TEX11: variants seen among roughly 807,000 people sequenced by gnomAD.
TEX11 encodes testis expressed 11, also known as testis-expressed protein 11.
Under a neutral mutation model 84.4 loss-of-function variants are expected in TEX11, and 7 were observed. The ratio of observed to expected loss-of-function variants is 0.08; its 90% confidence interval spans 0.05 to 0.16. The LOEUF (loss-of-function observed/expected upper bound fraction) is 0.16, where lower values mean the gene tolerates loss of function less well. TEX11 is among the 10% of genes least tolerant of loss of function. TEX11 has a pLI of 1.00. For synonymous variants in TEX11, 264 were observed against 222.8 expected, an observed-to-expected ratio of 1.18 and a Z score of -1.64; for missense variants, 551 against 660.5, an observed-to-expected ratio of 0.83 and a Z score of 1.82.
chrX:70,533,784 T>C (rs1254356276), intron 28 of TEX11, among the ~76,000 whole-genome samples: 2 of 110,386 alleles, frequency 1.8e-5, no homozygotes, highest in Non-Finnish European at 3.8e-5. Flanking sequence ...TTTCAAAAGG[T>C]CATGCATACT....
At chrX:70,579,894 G>A (rs1372144472) in intron 25 of TEX11, among the ~76,000 whole-genome samples, 1 of 112,057 alleles carries the variant, frequency 8.9e-6, no homozygotes, top group Non-Finnish European at 1.9e-5. Flanking sequence ...GTACACTGCT[G>A]GTGGGAACAT....
intron 9 of TEX11, among the ~76,000 whole-genome samples, chrX:70,776,944 C>A (rs1425879922): frequency 9.0e-6 from 1 of 111,331 alleles, no homozygotes; most frequent in Non-Finnish European, 1.9e-5. Flanking sequence ...ACCCCAAATA[C>A]CCCGACTTTA....
chrX:70,904,097 G>A (rs1431011554), intron 2 of TEX11, among the ~76,000 whole-genome samples: 2 of 106,577 alleles, frequency 1.9e-5, no homozygotes, highest in Non-Finnish European at 3.8e-5. Context: ...TGCGATTACA[G>A]GCGTGAGCCA....
intron 17 of TEX11, among the ~76,000 whole-genome samples, chrX:70,637,024 C>G (rs1650290160): frequency 9.0e-6 from 1 of 111,243 alleles, no homozygotes; most frequent in Admixed American, 9.5e-5. Context: ...AGGCCTAATA[C>G]CCAGCATCTA....
intron 18 of TEX11, 69 bp downstream of exon 18, chrX:70,629,542 T>A: frequency 9.0e-7 from 1 of 1,115,479 alleles, no homozygotes; most frequent in Non-Finnish European, 1.2e-6. Flanking sequence ...TAACTGATAA[T>A]GATTCTATTA....
intron 3 of TEX11, among the ~76,000 whole-genome samples, chrX:70,875,314 G>T (rs1229058204): frequency 9.0e-6 from 1 of 111,229 alleles, no homozygotes; most frequent in Non-Finnish European, 1.9e-5. Context: ...GCACTTAATA[G>T]TGTTCTTCAT....
rs770544273 is a variant in TEX11 at position 70,774,825 on chromosome X, T to C, written c.693-30606A>G. On this transcript the variant is annotated intron_variant, in intron 9 of 29. Coordinates refer to ENST00000374333, the MANE Select transcript of TEX11 (RefSeq NM_031276.3). ...TGCAATCCCTATCAAAATACCAATG[T>C]CATTTTTCACAGAATTAGAAAAAAT... 4.5e-5 allele frequency among the ~76,000 whole-genome samples: 5 copies of C among 111,627 alleles called. No individual in the cohort carries two copies. The East Asian group carries it at 1.4e-3, about 31-fold the overall frequency.
At chrX:70,784,632 T>C (rs1180989655) in intron 9 of TEX11, among the ~76,000 whole-genome samples, 1 of 111,638 alleles carries the variant, frequency 9.0e-6, no homozygotes, top group Non-Finnish European at 1.9e-5. Context: ...TTCAGCAAAG[T>C]CTCAGGATAC....
the TEX11 span, among the ~76,000 whole-genome samples, chrX:70,517,803 G>T: frequency 9.0e-6 from 1 of 111,382 alleles, no homozygotes; most frequent in Non-Finnish European, 1.9e-5. Flanking sequence ...TTCAGAGCCT[G>T]TTATTGGTCT....
At chrX:70,569,856 G>T (rs892211575) in intron 25 of TEX11, among the ~76,000 whole-genome samples, 1 of 111,988 alleles carries the variant, frequency 8.9e-6, no homozygotes, top group African/African-American at 3.2e-5. Flanking sequence ...GGGGGTCGGT[G>T]TCAGGGACCC....
intron 8 of TEX11, among the ~76,000 whole-genome samples, chrX:70,811,819 G>T (rs1215557295): frequency 9.8e-5 from 11 of 111,676 alleles, no homozygotes; most frequent in African/African-American, 2.6e-4. Flanking sequence ...CTGCATAAAT[G>T]TCTTCTTTTG....
intron 17 of TEX11, among the ~76,000 whole-genome samples, chrX:70,648,978 G>A (rs371733779): frequency 5.4e-4 from 60 of 110,440 alleles, no homozygotes; most frequent in Non-Finnish European, 1.0e-3. Flanking sequence ...TTTGGTTTTC[G>A]GTTCCTGCAT....
At chrX:70,621,543 AAAAAAAAAATATATATAT>A (rs2089388993) in intron 20 of TEX11, among the ~76,000 whole-genome samples, 1 of 28,491 alleles carries the variant, frequency 3.5e-5, no homozygotes, top group Non-Finnish European at 7.3e-5. Flanking sequence ...AAAAAAAAAA[AAAAAAAAAATATATATAT>A]ATATATATAT....
intron 25 of TEX11, among the ~76,000 whole-genome samples, chrX:70,569,652 G>A (rs892225210): frequency 2.7e-5 from 3 of 112,017 alleles, no homozygotes; most frequent in African/African-American, 9.7e-5. Context: ...CAGGTCTGTT[G>A]GAGTTTGCTA....
intron 11 of TEX11, among the ~76,000 whole-genome samples, chrX:70,739,784 T>A (rs752115398): frequency 9.0e-6 from 1 of 111,452 alleles, no homozygotes; most frequent in Admixed American, 9.6e-5. Flanking sequence ...ACATTTTGTT[T>A]TGTTTGTTTT....
At chrX:70,595,333 C>T (rs752204273) in intron 24 of TEX11, among the ~76,000 whole-genome samples, 13 of 111,447 alleles carry the variant, frequency 1.2e-4, no homozygotes, top group African/African-American at 4.2e-4. Context: ...GATCTGCCCA[C>T]CTCGGCCTCC....
At chrX:70,562,783 T>C (rs1361567997) in intron 25 of TEX11, among the ~76,000 whole-genome samples, 2 of 112,340 alleles carry the variant, frequency 1.8e-5, no homozygotes, top group African/African-American at 6.5e-5. Context: ...AGAACATTCA[T>C]TACCCTAAAG....
At chrX:70,733,917 G>A (rs926892346) in intron 11 of TEX11, among the ~76,000 whole-genome samples, 4 of 111,574 alleles carry the variant, frequency 3.6e-5, no homozygotes, top group African/African-American at 9.8e-5. Flanking sequence ...ATGTCCAACA[G>A]TGATAGACTG....
At chrX:70,705,572 C>A (rs770122529) in intron 13 of TEX11, among the ~76,000 whole-genome samples, 1 of 111,251 alleles carries the variant, frequency 9.0e-6, no homozygotes, top group African/African-American at 3.3e-5. Context: ...TGACAAAGGG[C>A]TAATATCCAG....
Sources: gnomAD v4.1 joint callset for allele counts (sites outside exome capture counted in the v4.1 genomes callset) on GRCh38, gnomAD v4.1.1 for gene constraint, MANE v1.5 for transcripts, NCBI Gene and HGNC (gene_info 2026-07-23, HGNC 2026-07-21) for gene names.